The following LAMA1 variants were observed in gnomAD, a reference collection of about 807,000 sequenced individuals.
LAMA1 encodes laminin subunit alpha 1.
In LAMA1, 219 loss-of-function variants were observed where a neutral mutation model predicts 348.7. That is an observed-to-expected ratio of 0.63 (90% CI 0.56 to 0.70). The LOEUF (loss-of-function observed/expected upper bound fraction) is 0.70. LAMA1 is among the 30% of genes least tolerant of loss of function. LAMA1 has a pLI of 0.00. For missense variants in LAMA1, 3,744 were observed against 3,888.0 expected, an observed-to-expected ratio of 0.96 and a Z score of 0.99; for synonymous variants, 1,487 against 1,491.0, an observed-to-expected ratio of 1.00 and a Z score of 0.06.
In LAMA1 at chr18:6,941,874, C is replaced by A; in HGVS notation, c.*205G>T. The A allele has an allele frequency of 1.7e-6, 1 of 602,730 alleles. No homozygotes were observed. Among genetic ancestry groups the A allele is most frequent in the South Asian group, 2.0e-5 (1 of 50,406 alleles). The allele number at this position is 602,730 out of a possible 1,614,324, so 37.3% of individuals were successfully genotyped here. A position where few individuals can be genotyped will look rare whatever the true frequency, so the allele number is the denominator to read the frequency against. Reference sequence around the variant, plus strand: ...TTAAAAATACGTTTAAAAAGAGAGCCAGGGAATTCAATTTACATTTTAGAC... The same window carrying A: ...TTAAAAATACGTTTAAAAAGAGAGCAAGGGAATTCAATTTACATTTTAGAC... On this transcript the variant is annotated 3_prime_UTR_variant, in exon 63 of 63. Coordinates refer to ENST00000389658, the MANE Select transcript of LAMA1 (RefSeq NM_005559.4).
chr18:7,104,927 G>C (rs902682066), intron 1 of LAMA1, among the ~76,000 whole-genome samples: 1 of 152,222 alleles, frequency 6.6e-6, no homozygotes, highest in Non-Finnish European at 1.5e-5. Flanking sequence ...ACCTCCCCAA[G>C]TGCCTGTAGC....
intron 11 of LAMA1, chr18:7,038,458 A>G (rs554010281): frequency 9.7e-5 from 36 of 372,284 alleles, no homozygotes; most frequent in Non-Finnish European, 1.5e-4. Flanking sequence ...GAAAATCCCC[A>G]TGGCCCCACG....
rs1449028624 is a variant in LAMA1 at position 7,026,005 on chromosome 18, G to A, written c.2376C>T (p.Ala792=). 2 of 1,609,170 alleles carry A rather than the reference G, an allele frequency of 1.2e-6. No individual in the cohort carries two copies. The highest frequency in any genetic ancestry group is 2.2e-5 in the East Asian group (1 of 44,754). ...TGTTGGAGGCTATGGTGAGAGGGCA[G>A]GCGCAGGGCTGGCAGTCCCCAGGTG... ...RGTPGDCQPC[A]CPLTIASNNF... The change falls in exon 17 of 63, where the codon GCC becomes GCT. Residue 792 remains alanine (A), a synonymous_variant. Transcript: ENST00000389658.
chr18:6,946,144 A>T (rs1200936006), intron 61 of LAMA1, among the ~76,000 whole-genome samples: 1 of 152,188 alleles, frequency 6.6e-6, no homozygotes, highest in East Asian at 1.9e-4. Context: ...TTAAAAAAAA[A>T]TTATAGCATG....
intron 42 of LAMA1, 111 bp from the exon 43 acceptor site, chr18:6,978,489 G>T: frequency 9.7e-7 from 1 of 1,036,144 alleles, no homozygotes; most frequent in East Asian, 2.5e-5. Context: ...TCATATTACT[G>T]ATGCTGAACA....
chr18:6,978,905 T>C (rs974365233), intron 42 of LAMA1, among the ~76,000 whole-genome samples: 90 of 152,306 alleles, frequency 5.9e-4, no homozygotes, highest in African/African-American at 2.1e-3. Context: ...ATCAACTGGC[T>C]GCTAGAAGTA....
Position 6,943,397 on chromosome 18 carries a change from C to G in LAMA1, c.8850G>C (p.Leu2950Phe). Reference sequence around the variant, plus strand: ...TGCCAGCACCATTGTTGACATGGAACAAGACCTAAAAGCAAATATCTTGGT... The same window carrying G: ...TGCCAGCACCATTGTTGACATGGAAGAAGACCTAAAAGCAAATATCTTGGT... ...IGLELVDGKV[L>F]FHVNNGAGRI... The change falls in exon 62 of 63, where the codon TTG (leucine) becomes TTC (phenylalanine). Residue 2950 changes from leucine (L) to phenylalanine (F), a missense_variant. By Grantham distance (22) the Leu-to-Phe change is conservative (BLOSUM62 0). Coordinates refer to ENST00000389658, the MANE Select transcript of LAMA1 (RefSeq NM_005559.4). The G allele has an allele frequency of 6.2e-7, 1 of 1,614,060 alleles. No individual in the cohort carries two copies. The highest frequency in any genetic ancestry group is 1.3e-5 in the African/African-American group (1 of 75,030).
intron 39 of LAMA1, 118 bp downstream of exon 39, chr18:6,985,119 A>G (rs2057728239): frequency 8.3e-7 from 1 of 1,200,982 alleles, no homozygotes; most frequent in South Asian, 1.2e-5. Context: ...TAAATAAAAC[A>G]GGAGTGCTCA....
chr18:7,066,652 G>T (rs7241949), intron 3 of LAMA1, among the ~76,000 whole-genome samples: 7,851 of 152,086 alleles, frequency 0.052, 652 homozygotes, highest in African/African-American at 0.18. Flanking sequence ...CCAGTACAGT[G>T]ACATAATGTG....
chr18:6,949,794 G>A (rs1009289353), intron 58 of LAMA1, among the ~76,000 whole-genome samples: 3 of 152,126 alleles, frequency 2.0e-5, no homozygotes, highest in Non-Finnish European at 2.9e-5. Flanking sequence ...GACCAAAATC[G>A]CCTTTGTAAA....
intron 3 of LAMA1, among the ~76,000 whole-genome samples, chr18:7,056,086 A>G (rs938950399): frequency 1.3e-5 from 2 of 152,174 alleles, no homozygotes; most frequent in Non-Finnish European, 2.9e-5. Context: ...TCCAAAAAAA[A>G]AAAAACAGAA....
intron 32 of LAMA1, 150 bp from the exon 33 acceptor site, chr18:6,998,034 T>A: frequency 1.3e-6 from 1 of 742,910 alleles, no homozygotes; most frequent in South Asian, 1.5e-5. Context: ...GATCTCATTC[T>A]CACTCCAACT....
intron 1 of LAMA1, among the ~76,000 whole-genome samples, chr18:7,115,465 T>C (rs1201956469): frequency 6.6e-6 from 1 of 152,118 alleles, no homozygotes; most frequent in African/African-American, 2.4e-5. Context: ...CATCAGGTCA[T>C]ATACTATGAG....
intron 1 of LAMA1, among the ~76,000 whole-genome samples, chr18:7,117,182 A>G: frequency 6.6e-6 from 1 of 151,878 alleles, no homozygotes; most frequent in African/African-American, 2.4e-5. Flanking sequence ...GGCCGCCGCG[A>G]CCCAGCTTGC....
chr18:7,053,115 T>C (rs1022902586), intron 3 of LAMA1, among the ~76,000 whole-genome samples: 2 of 152,220 alleles, frequency 1.3e-5, no homozygotes, highest in Non-Finnish European at 1.5e-5. Context: ...TCCAACTGTA[T>C]GACACTGTGT....
rs767607664 is a variant in LAMA1 at position 6,999,998 on chromosome 18, C to G, written c.4383-1G>C. The G allele has an allele frequency of 2.5e-6, 4 of 1,610,236 alleles. No individual in the cohort carries two copies. In the African/African-American group the frequency reaches 5.3e-5, roughly 22 times the overall value. ...TTCCAAGACACAAGTGGGACTAAAACTGGAGGAAAAGAATTTCTTTTTGAA... is the reference window on the plus strand; with the variant it reads ...TTCCAAGACACAAGTGGGACTAAAAGTGGAGGAAAAGAATTTCTTTTTGAA... On this transcript the variant is annotated splice_acceptor_variant, in intron 30 of 62. Transcript: ENST00000389658. LOFTEE classifies it high-confidence loss of function.
At chr18:7,011,232 G>A (rs1212034994) in intron 25 of LAMA1, 68 bp downstream of exon 25, 1 of 1,530,966 alleles carries the variant, frequency 6.5e-7, no homozygotes, top group Non-Finnish European at 8.9e-7. Context: ...CCAGACTATG[G>A]TGATTTTAAA....
intron 16 of LAMA1, among the ~76,000 whole-genome samples, chr18:7,027,545 C>CA (rs768069405): frequency 4.4e-4 from 61 of 139,436 alleles, no homozygotes; most frequent in African/African-American, 1.6e-3. Flanking sequence ...ACAACAACAA[C>CA]AACAAAAAAA....
At chr18:6,984,968 AAT>A (rs1600372341) in intron 39 of LAMA1, among the ~76,000 whole-genome samples, 1 of 152,054 alleles carries the variant, frequency 6.6e-6, no homozygotes, top group African/African-American at 2.4e-5. Flanking sequence ...ACTGTAGCAT[AAT>A]ATGTGTTTTA....
Sources: allele counts gnomAD v4.1 joint callset (sites outside exome capture counted in the v4.1 genomes callset), GRCh38; gene constraint gnomAD v4.1.1; transcripts MANE v1.5; gene names NCBI Gene and HGNC (gene_info 2026-07-23, HGNC 2026-07-21).